INSR: variants seen among roughly 807,000 people sequenced by gnomAD.
INSR encodes the protein IR.
INSR carries 67 observed loss-of-function variants against 142.6 expected under a neutral mutation model. That is an observed-to-expected ratio of 0.47 (90% CI 0.39 to 0.58). The LOEUF is 0.58. Ranked by LOEUF, INSR falls within the 20% of genes least tolerant of loss-of-function variation. The pLI is 0.00. For synonymous variants in INSR, 756 were observed against 743.1 expected, an observed-to-expected ratio of 1.02 and a Z score of -0.28; for missense variants, 1,248 against 1,833.2, an observed-to-expected ratio of 0.68 and a Z score of 5.83.
intron 2 of INSR, among the ~76,000 whole-genome samples, chr19:7,196,067 C>A (rs1379818801): frequency 6.6e-6 from 1 of 152,018 alleles, no homozygotes; most frequent in Non-Finnish European, 1.5e-5. Context: ...TCCCGAGTAG[C>A]TGGGATTACA....
chr19:7,215,244 C>G (rs1226952546), intron 2 of INSR, among the ~76,000 whole-genome samples: 1 of 152,170 alleles, frequency 6.6e-6, no homozygotes, highest in Non-Finnish European at 1.5e-5. Flanking sequence ...TTCAGACACT[C>G]CCAGGCCTTG....
At chr19:7,210,811 C>G (rs547742436) in intron 2 of INSR, among the ~76,000 whole-genome samples, 1 of 152,198 alleles carries the variant, frequency 6.6e-6, no homozygotes, top group African/African-American at 2.4e-5. Context: ...CTCACTGCAG[C>G]CTCTGCCTCG....
chr19:7,240,883 C>G (rs1415330979), intron 2 of INSR, among the ~76,000 whole-genome samples: 1 of 152,200 alleles, frequency 6.6e-6, no homozygotes, highest in African/African-American at 2.4e-5. Context: ...AGACCTCGTT[C>G]TCAGCCCCAC....
At position 7,142,971 on chromosome 19, in the gene INSR, C is replaced by T; in HGVS notation, c.2387G>A (p.Arg796Lys). 2 of 1,614,200 alleles carry T rather than the reference C, an allele frequency of 1.2e-6. No homozygotes were observed. Among genetic ancestry groups the T allele is most frequent in the Non-Finnish European group, 1.7e-6 (2 of 1,180,038 alleles). The part of the protein sequence containing the change: ...TSVPTSPEEH[R>K]PFEKVVNKES... ...CTTGTTCACCACCTTCTCAAAAGGC[C>T]TGTGCTCCTCCGGACTCGTGGGCAC... The change falls in exon 12 of 22, where the codon AGG (arginine) becomes AAG (lysine). Residue 796 changes from arginine to lysine, a missense_variant. By Grantham distance (26) the Arg-to-Lys change is conservative. Coordinates refer to ENST00000302850, the MANE Select transcript of INSR (RefSeq NM_000208.4).
chr19:7,192,222 G>T lies in INSR; in HGVS notation c.653-7585C>A, dbSNP rs1035196255. 9.4e-6 allele frequency among the ~76,000 whole-genome samples: 1 copy of T among 106,464 alleles called. No homozygotes were observed. Among genetic ancestry groups the T allele is most frequent in the African/African-American group, 3.2e-5 (1 of 30,856 alleles). The allele number at this position is 106,464 out of a possible 152,430, so 69.8% of individuals were successfully genotyped here. A position where few individuals can be genotyped will look rare whatever the true frequency, so the allele number is the denominator to read the frequency against. On this transcript the variant is annotated intron_variant, in intron 2 of 21. Transcript: ENST00000302850. This position sits in a 1 kb window ranked among gnomAD's most constrained non-coding sequence, Gnocchi z 4.2. The stretch of plus-strand genomic sequence containing the variant: ...AAAAAGAAAGAAAGGAGAAAGAAAA[G>T]AAAGAGAAAGAAGGAAGGGAGGGAG...
At chr19:7,211,982 T>C (rs563511956) in intron 2 of INSR, among the ~76,000 whole-genome samples, 2 of 152,082 alleles carry the variant, frequency 1.3e-5, no homozygotes, top group African/African-American at 4.8e-5. Flanking sequence ...AATTCCCCCA[T>C]CACTGTTATC....
chr19:7,171,803 T>C (rs748225463), intron 5 of INSR, among the ~76,000 whole-genome samples: 13 of 152,186 alleles, frequency 8.5e-5, no homozygotes, highest in Non-Finnish European at 1.6e-4. Flanking sequence ...TGGATGGACC[T>C]TTAGGCACAT....
At chr19:7,270,744 T>C (rs78224067) in intron 1 of INSR, among the ~76,000 whole-genome samples, 5,173 of 133,984 alleles carry the variant, frequency 0.039, 233 homozygotes, top group East Asian at 0.2. Context: ...GGCAACAGAG[T>C]GAGACCTCGT....
chr19:7,136,957 C>G (rs1019989457), intron 13 of INSR, among the ~76,000 whole-genome samples: 2 of 151,522 alleles, frequency 1.3e-5, no homozygotes, highest in Non-Finnish European at 1.5e-5. Flanking sequence ...CTTAGCCTCC[C>G]GAGTAGTTGG....
At position 7,262,805 on chromosome 19, in the gene INSR, TAG is replaced by T. The variant is rs770460899; in HGVS notation, c.652+4538_652+4539del. On this transcript the variant is annotated intron_variant, in intron 2 of 21. Coordinates refer to ENST00000302850, the MANE Select transcript of INSR (RefSeq NM_000208.4). ...GAGGTCCCTACAGTCATCACATTCATAGAGACAGAAAATAGGATGGTAGGTGC... is the reference window on the plus strand; with the variant it reads ...GAGGTCCCTACAGTCATCACATTCATAGACAGAAAATAGGATGGTAGGTGC... Among the ~76,000 whole-genome samples the T allele has an allele frequency of 2.0e-5, 3 of 152,220 alleles. No homozygotes were observed. The East Asian group carries it at 5.8e-4, about 29-fold the overall frequency.
intron 15 of INSR, among the ~76,000 whole-genome samples, 157 bp downstream of exon 15, chr19:7,128,695 T>C (rs967538633): frequency 1.3e-5 from 2 of 152,118 alleles, no homozygotes; most frequent in Non-Finnish European, 2.9e-5. Context: ...AAGAGTTGTG[T>C]ATATCATATT....
At position 7,184,455 on chromosome 19, in the gene INSR, G is replaced by T; in HGVS notation, c.835C>A (p.Arg279Ser). Reference protein sequence around the residue: ...PPPYYHFQDWRCVNFSFCQDL... With the variant: ...PPPYYHFQDWSCVNFSFCQDL... Reference sequence around the variant, plus strand: ...TGGCAGAAGCTGAAGTTCACACAGCGCCAGTCCTGGAAGTGGTAGTACGGG... The same window carrying T: ...TGGCAGAAGCTGAAGTTCACACAGCTCCAGTCCTGGAAGTGGTAGTACGGG... The change falls in exon 3 of 22, where the codon CGC becomes AGC. Residue 279 changes from arginine to serine, a missense_variant. Coordinates refer to ENST00000302850, the MANE Select transcript of INSR (RefSeq NM_000208.4). 2 of 1,614,054 alleles carry T rather than the reference G, an allele frequency of 1.2e-6. No individual in the cohort carries two copies. The highest frequency in any genetic ancestry group is 1.7e-6 in the Non-Finnish European group (2 of 1,180,018).
intron 2 of INSR, among the ~76,000 whole-genome samples, chr19:7,229,000 T>TGGATGGAC (rs1975869483): frequency 6.8e-6 from 1 of 146,022 alleles, no homozygotes; most frequent in Non-Finnish European, 1.5e-5. Context: ...GATGGATGGA[T>TGGATGGAC]GGATGGACGT....
intron 10 of INSR, chr19:7,152,361 A>T (rs1489246753): frequency 3.0e-6 from 1 of 335,976 alleles, no homozygotes; most frequent in Non-Finnish European, 5.7e-6. Context: ...AGCCTGGACG[A>T]TAGAGTGAGA....
intron 1 of INSR, among the ~76,000 whole-genome samples, chr19:7,287,989 T>G (rs764276410): frequency 1.3e-5 from 2 of 152,134 alleles, no homozygotes; most frequent in Non-Finnish European, 2.9e-5. Context: ...AAAACTGCAT[T>G]TACAAAAACC....
intron 1 of INSR, among the ~76,000 whole-genome samples, chr19:7,288,034 C>T (rs1968388430): frequency 6.6e-6 from 1 of 152,016 alleles, no homozygotes; most frequent in Admixed American, 6.6e-5. Flanking sequence ...GTTTGCTGAC[C>T]CCTGTTCAGA....
At chr19:7,202,752 C>T (rs1217836870) in intron 2 of INSR, among the ~76,000 whole-genome samples, 2 of 152,190 alleles carry the variant, frequency 1.3e-5, no homozygotes, top group African/African-American at 2.4e-5. Context: ...CCGCTCGCCT[C>T]GGCCTCCCAA....
At chr19:7,140,477 C>A (rs754873207) in intron 13 of INSR, among the ~76,000 whole-genome samples, 3 of 152,138 alleles carry the variant, frequency 2.0e-5, no homozygotes, top group Non-Finnish European at 4.4e-5. Context: ...ACTATCCAGA[C>A]CTTTATGGTA....
chr19:7,170,941 G>A (rs2144951275), intron 5 of INSR, among the ~76,000 whole-genome samples, 190 bp from the exon 6 acceptor site: 1 of 152,266 alleles, frequency 6.6e-6, no homozygotes, highest in African/African-American at 2.4e-5. Context: ...TTCATGGCCA[G>A]GAAGGAGGCT....
Sources: allele counts gnomAD v4.1 joint callset (sites outside exome capture counted in the v4.1 genomes callset), GRCh38; gene constraint gnomAD v4.1.1; non-coding constraint Gnocchi (gnomAD v3.1); transcripts MANE v1.5; gene names NCBI Gene and HGNC (gene_info 2026-07-23, HGNC 2026-07-21).